The following PRKN variants were observed in gnomAD, a reference collection of about 807,000 sequenced individuals.
The protein encoded by PRKN is parkin RBR E3 ubiquitin protein ligase, also known as E3 ubiquitin-protein ligase parkin.
PRKN carries 56 observed loss-of-function variants against 59.5 expected under a neutral mutation model. The observed-to-expected ratio is 0.94, with a 90% CI of 0.76 to 1.18. The LOEUF is 1.18. PRKN is among the 50% of genes most tolerant of loss of function. The pLI is 0.00. For missense variants in PRKN, 657 were observed against 596.4 expected (o/e 1.10, Z -1.06); for synonymous variants, 250 against 222.1 (o/e 1.13, Z -1.12).
At chr6:162,577,856 G>T (rs969628148) in intron 1 of PRKN, among the ~76,000 whole-genome samples, 53 of 152,252 alleles carry the variant, frequency 3.5e-4, no homozygotes, top group African/African-American at 1.3e-3. Context: ...TGGAGCCCAG[G>T]AGGTCAAGGT....
chr6:162,704,274 T>C (rs1778262474), intron 1 of PRKN, among the ~76,000 whole-genome samples: 1 of 152,076 alleles, frequency 6.6e-6, no homozygotes, highest in African/African-American at 2.4e-5. Context: ...TGGCACTCTA[T>C]GGGAACGTCT....
intron 7 of PRKN, among the ~76,000 whole-genome samples, chr6:161,758,667 T>A (rs913622183): frequency 3.3e-5 from 5 of 152,184 alleles, no homozygotes; most frequent in Non-Finnish European, 1.5e-5. Flanking sequence ...TCAATAAAGC[T>A]GTTAAAAACA....
chr6:162,084,988 G>C (rs1440617289), intron 4 of PRKN, among the ~76,000 whole-genome samples: 1 of 151,474 alleles, frequency 6.6e-6, no homozygotes, highest in Non-Finnish European at 1.5e-5. Flanking sequence ...AGGTTAAAGT[G>C]ACATGTTATT....
Position 161,357,283 on chromosome 6 carries a change from C to T in PRKN, c.1285+2805G>A, listed in dbSNP as rs977300683. On this transcript the variant is annotated intron_variant, in intron 11 of 11. Coordinates refer to ENST00000366898, the MANE Select transcript of PRKN (RefSeq NM_004562.3). The surrounding 1 kb of genome is among the most constrained non-coding windows in gnomAD (Gnocchi z 5.5). ...GCCAGGCTGGTCTCGAACTCCTGAC[C>T]TCAGGTGATCCGCCTGCCTTGGCCT... Among the ~76,000 whole-genome samples, 29 of 152,170 alleles carry T rather than the reference C, an allele frequency of 1.9e-4. No individual in the cohort carries two copies. Among genetic ancestry groups the T allele is most frequent in the Non-Finnish European group, 4.0e-4 (27 of 68,038 alleles).
At chr6:161,945,944 A>T (rs1562409126) in intron 6 of PRKN, among the ~76,000 whole-genome samples, 2 of 152,158 alleles carry the variant, frequency 1.3e-5, no homozygotes, top group South Asian at 2.1e-4. Flanking sequence ...TTATATTTCT[A>T]TATATTATTC....
chr6:161,848,259 T>C (rs1203583822), intron 6 of PRKN, among the ~76,000 whole-genome samples: 1 of 152,252 alleles, frequency 6.6e-6, no homozygotes, highest in African/African-American at 2.4e-5. Context: ...TCACCATTTA[T>C]GTAGGATTAG....
rs993310624 is a variant in PRKN at position 162,106,641 on chromosome 6, T to C, written c.535-52467A>G. Among the ~76,000 whole-genome samples the C allele has an allele frequency of 3.9e-5, 6 of 152,180 alleles. 1 individual carries two copies. Among genetic ancestry groups the C allele is most frequent in the South Asian group, 4.1e-4 (2 of 4,832 alleles). On this transcript the variant is annotated intron_variant, in intron 4 of 11. Coordinates refer to ENST00000366898, the MANE Select transcript of PRKN (RefSeq NM_004562.3). ...CTGGGACTTTGCACAAATCAGAAGA[T>C]TTGCACAAGGCAATACTGTGGCAGC...
At chr6:161,696,479 G>A (rs1420581401) in intron 7 of PRKN, among the ~76,000 whole-genome samples, 1 of 152,216 alleles carries the variant, frequency 6.6e-6, no homozygotes, top group African/African-American at 2.4e-5. Flanking sequence ...CAGATGTCCA[G>A]TTGAGGAACG....
At chr6:162,214,997 C>T (rs1777575555) in intron 3 of PRKN, among the ~76,000 whole-genome samples, 1 of 152,132 alleles carries the variant, frequency 6.6e-6, no homozygotes, top group Non-Finnish European at 1.5e-5. Flanking sequence ...CTAACAGCAT[C>T]TAGGAATCCT....
chr6:162,262,554 C>T lies in PRKN; in HGVS notation c.383G>A (p.Arg128Lys), dbSNP rs200239028. The change falls in exon 3 of 12, where the codon AGG becomes AAG. Residue 128 changes from arginine (R) to lysine (K), a missense_variant. Arg to Lys is a conservative substitution (Grantham distance 26). Transcript: ENST00000366898. ...GLAVILHTDS[R>K]KDSPPAGSPA... ...ACTTCCAGCTGGTGGTGAGTCCTTCCTGCTGTCAGTGTGCAGAATGACAGC... is the reference window on the plus strand; with the variant it reads ...ACTTCCAGCTGGTGGTGAGTCCTTCTTGCTGTCAGTGTGCAGAATGACAGC... The T allele has an allele frequency of 6.2e-7, 1 of 1,613,954 alleles. No homozygotes were observed. The highest frequency in any genetic ancestry group is 1.7e-5 in the Admixed American group (1 of 59,994).
At chr6:161,626,672 T>C (rs1468882851) in intron 7 of PRKN, among the ~76,000 whole-genome samples, 2 of 152,098 alleles carry the variant, frequency 1.3e-5, no homozygotes, top group Admixed American at 1.3e-4. Context: ...CCTGGCCAAA[T>C]GATGGATGAA....
intron 5 of PRKN, among the ~76,000 whole-genome samples, chr6:162,043,326 T>C (rs551346212): frequency 6.4e-4 from 98 of 152,134 alleles, no homozygotes; most frequent in African/African-American, 2.3e-3. Context: ...TCCAGAAAAA[T>C]ATAGATGTTT....
chr6:161,557,694 C>A (rs1332944517), intron 8 of PRKN, among the ~76,000 whole-genome samples: 1 of 152,170 alleles, frequency 6.6e-6, no homozygotes, highest in African/African-American at 2.4e-5. Context: ...TTAAAAACTA[C>A]AAGAAATGTG....
rs1554303164 is a variant in PRKN at position 161,771,367 on chromosome 6, A to AATAAT, written c.871+14404_871+14405insATTAT. 7.4e-4 allele frequency among the ~76,000 whole-genome samples: 61 copies of AATAAT among 82,764 alleles called. 1 individual carries two copies. In the South Asian group the frequency reaches 9.0e-3, roughly 12 times the overall value. 54.3% of individuals were successfully genotyped at this position (82,764 alleles called of 152,430 possible). A position where few individuals can be genotyped will look rare whatever the true frequency, so the allele number is the denominator to read the frequency against. On this transcript the variant is annotated intron_variant, in intron 7 of 11. Transcript: ENST00000366898. ...CAAGACTCCACCTCAAAAAAAAAAA[A>AATAAT]AAAATAAAATAAAATAAAATAAAAT...
intron 1 of PRKN, among the ~76,000 whole-genome samples, chr6:162,710,369 C>A (rs1778485363): frequency 1.7e-5 from 1 of 57,494 alleles, no homozygotes. Flanking sequence ...CTGGCACCCC[C>A]TACAAACACA....
intron 7 of PRKN, among the ~76,000 whole-genome samples, chr6:161,652,409 A>G (rs1784183306): frequency 6.6e-6 from 1 of 152,212 alleles, no homozygotes; most frequent in African/African-American, 2.4e-5. Flanking sequence ...TATAATCACT[A>G]AATTATCATT....
chr6:162,683,370 G>A (rs932872569), intron 1 of PRKN, among the ~76,000 whole-genome samples: 1 of 152,194 alleles, frequency 6.6e-6, no homozygotes, highest in South Asian at 2.1e-4. Context: ...TACTGTGAAC[G>A]AGCTGTTCTA....
At chr6:161,663,250 T>C (rs1283078067) in intron 7 of PRKN, among the ~76,000 whole-genome samples, 2 of 152,036 alleles carry the variant, frequency 1.3e-5, no homozygotes, top group African/African-American at 4.8e-5. Context: ...GACTAATACA[T>C]GTGGCGGTGG....
chr6:162,255,476 GC>G (rs529727300), intron 3 of PRKN, among the ~76,000 whole-genome samples: 280 of 152,252 alleles, frequency 1.8e-3, no homozygotes, highest in African/African-American at 5.4e-3. Context: ...ACAAAACAGT[GC>G]ACTATTCACT....
Sources: gnomAD v4.1 joint callset for allele counts (sites outside exome capture counted in the v4.1 genomes callset) on GRCh38, gnomAD v4.1.1 for gene constraint, Gnocchi (gnomAD v3.1) non-coding constraint, MANE v1.5 for transcripts, NCBI Gene and HGNC (gene_info 2026-07-23, HGNC 2026-07-21) for gene names.